Variants in TMEM161B observed in about 807,000 individuals in gnomAD.
TMEM161B encodes the protein transmembrane protein 161B.
TMEM161B carries 34 observed loss-of-function variants against 61.8 expected under a neutral mutation model. That is an observed-to-expected ratio of 0.55 (90% CI 0.42 to 0.73). The LOEUF (loss-of-function observed/expected upper bound fraction) is 0.73. Among genes scored for constraint, TMEM161B ranks in the 30% least tolerant of loss-of-function variants. The pLI is 0.00. For synonymous variants in TMEM161B, 167 were observed against 192.8 expected (o/e 0.87, Z 1.11); for missense variants, 456 against 558.5 (o/e 0.82, Z 1.85).
chr5:88,263,345 T>C (rs1161034926), intron 1 of TMEM161B, among the ~76,000 whole-genome samples: 8 of 152,162 alleles, frequency 5.3e-5, no homozygotes, highest in Non-Finnish European at 1.5e-5. Context: ...AGGGCCGAGA[T>C]TGTCTCTGTT....
chr5:88,199,027 A>G lies in TMEM161B; in HGVS notation c.1038T>C (p.Asp346=), dbSNP rs767773974. Residue 346 remains aspartate (D), a synonymous_variant, in exon 10 of 12, where the codon GAT becomes GAC. Transcript: ENST00000296595. ...TTCGCCCCGCTTCTTTCTTCATCTGATCCACACATTTTTGGGCTAAATTTA... is the reference window on the plus strand; with the variant it reads ...TTCGCCCCGCTTCTTTCTTCATCTGGTCCACACATTTTTGGGCTAAATTTA... ...AYLNLAQKCV[D]QMKKEAGRIS... The G allele has an allele frequency of 6.2e-7, 1 of 1,612,536 alleles. No individual in the cohort carries two copies. Among genetic ancestry groups the G allele is most frequent in the Non-Finnish European group, 8.5e-7 (1 of 1,179,386 alleles).
At chr5:88,202,301 C>T in intron 9 of TMEM161B, 2 of 269,630 alleles carry the variant, frequency 7.4e-6, no homozygotes, top group African/African-American at 2.2e-5. Flanking sequence ...CTGTTTGTTT[C>T]CTCACCATCT....
At chr5:88,196,755 TAACAA>T (rs1281624908) in intron 11 of TMEM161B, among the ~76,000 whole-genome samples, 2 of 152,164 alleles carry the variant, frequency 1.3e-5, no homozygotes, top group East Asian at 3.9e-4. Context: ...ATTGGTAAAA[TAACAA>T]AACAATTTCC....
intron 4 of TMEM161B, among the ~76,000 whole-genome samples, chr5:88,223,884 A>G (rs1324860886): frequency 1.3e-5 from 2 of 151,840 alleles, no homozygotes; most frequent in Admixed American, 6.6e-5. Flanking sequence ...GCGAGACTCC[A>G]TCTCAAAAAA....
intron 1 of TMEM161B, chr5:88,251,151 G>A (rs894714845): frequency 6.6e-6 from 1 of 152,164 alleles, no homozygotes; most frequent in Admixed American, 6.5e-5. Context: ...TGAAATCATA[G>A]GGGTAAAGAA....
At chr5:88,255,218 G>C (rs13185178) in intron 1 of TMEM161B, among the ~76,000 whole-genome samples, 3 of 152,156 alleles carry the variant, frequency 2.0e-5, no homozygotes, top group Non-Finnish European at 4.4e-5. Context: ...GTCTAATCCA[G>C]AAGAGAAATT....
intron 1 of TMEM161B, among the ~76,000 whole-genome samples, chr5:88,246,222 A>G (rs538862080): frequency 1.3e-5 from 2 of 151,878 alleles, no homozygotes; most frequent in African/African-American, 2.4e-5. Context: ...ATTCTTCTAT[A>G]TAAGTCAACA....
At chr5:88,237,492 C>T (rs930598985) in intron 2 of TMEM161B, among the ~76,000 whole-genome samples, 2 of 151,984 alleles carry the variant, frequency 1.3e-5, no homozygotes, top group Non-Finnish European at 2.9e-5. Flanking sequence ...GGAGAGCTGC[C>T]CAATCCCTTT....
intron 1 of TMEM161B, among the ~76,000 whole-genome samples, chr5:88,267,566 A>C (rs1015387755): frequency 2.6e-5 from 4 of 152,156 alleles, no homozygotes; most frequent in Non-Finnish European, 5.9e-5. Flanking sequence ...GAGGGTTTGA[A>C]ATCTTGTATA....
chr5:88,254,206 TG>T (rs1156806324), intron 1 of TMEM161B, among the ~76,000 whole-genome samples: 1 of 152,142 alleles, frequency 6.6e-6, no homozygotes, highest in East Asian at 1.9e-4. Context: ...GGTATGGAGA[TG>T]TATTAATTCT....
intron 8 of TMEM161B, among the ~76,000 whole-genome samples, chr5:88,204,441 A>G (rs534155241): frequency 6.6e-6 from 1 of 152,328 alleles, no homozygotes; most frequent in East Asian, 1.9e-4. Flanking sequence ...ATGTTTTTAT[A>G]AAGTGATTCT....
chr5:88,206,394 A>G, intron 7 of TMEM161B, 45 bp downstream of exon 7: 1 of 1,457,356 alleles, frequency 6.9e-7, no homozygotes, highest in South Asian at 1.3e-5. Context: ...TATTAAAAAT[A>G]GAAAAGGTTA....
intron 2 of TMEM161B, among the ~76,000 whole-genome samples, chr5:88,237,729 T>A (rs1459502665): frequency 1.3e-5 from 2 of 151,300 alleles, no homozygotes; most frequent in South Asian, 2.1e-4. Flanking sequence ...CAGTTTCTTT[T>A]AAAAAAAAAG....
At chr5:88,218,957 T>A (rs987122084) in intron 5 of TMEM161B, among the ~76,000 whole-genome samples, 1 of 119,324 alleles carries the variant, frequency 8.4e-6, no homozygotes, top group Non-Finnish European at 2.0e-5. Flanking sequence ...ACATAGAATA[T>A]CTTTAAAAAG....
chr5:88,259,238 A>C (rs1755380365), intron 1 of TMEM161B: 3 of 152,210 alleles, frequency 2.0e-5, no homozygotes, highest in Admixed American at 2.0e-4. Flanking sequence ...ATACCTGTGA[A>C]GCAGTAACAT....
At chr5:88,185,755 CAT>C (rs911955387), downstream of TMEM161B, among the ~76,000 whole-genome samples, 12 of 152,078 alleles carry the variant, frequency 7.9e-5, no homozygotes, top group Admixed American at 7.9e-4. Context: ...AAATTGAAAA[CAT>C]AGCATAGCAA....
At chr5:88,191,980 GTGTATATATATA>G (rs1483234709), downstream of TMEM161B, among the ~76,000 whole-genome samples, 6 of 9,130 alleles carry the variant, frequency 6.6e-4, no homozygotes, top group Admixed American at 2.0e-3. Context: ...AAAAAAAAAA[GTGTATATATATA>G]TATATATATA....
chr5:88,221,457 C>G (rs1016052378), intron 4 of TMEM161B: 2 of 268,534 alleles, frequency 7.4e-6, no homozygotes, highest in African/African-American at 4.4e-5. Flanking sequence ...TGAGTTCACA[C>G]CATGGCACTC....
intron 1 of TMEM161B, among the ~76,000 whole-genome samples, chr5:88,250,341 G>A (rs1211158882): frequency 1.3e-5 from 2 of 152,018 alleles, no homozygotes; most frequent in Non-Finnish European, 1.5e-5. Flanking sequence ...GGGCCAAGAC[G>A]TGTTACAAAA....
Sources: gnomAD v4.1 joint callset for allele counts (sites outside exome capture counted in the v4.1 genomes callset) on GRCh38, gnomAD v4.1.1 for gene constraint, MANE v1.5 for transcripts, NCBI Gene and HGNC (gene_info 2026-07-23, HGNC 2026-07-21) for gene names.